LRATD1: variants seen among roughly 807,000 people sequenced by gnomAD.
The protein encoded by LRATD1 is protein LRATD1.
Under a neutral mutation model 21.3 loss-of-function variants are expected in LRATD1, and 8 were observed. The observed-to-expected ratio is 0.38, with a 90% CI of 0.22 to 0.68. The LOEUF is 0.68. Among genes scored for constraint, LRATD1 ranks in the 30% least tolerant of loss-of-function variants. The pLI is 0.54. For synonymous variants in LRATD1, 210 were observed against 186.2 expected (o/e 1.13, Z -1.04); for missense variants, 380 against 404.0 (o/e 0.94, Z 0.51).
At position 14,632,888 on chromosome 2, in the gene LRATD1, AC is replaced by A; in HGVS notation, c.-84del. Reference sequence around the variant, plus strand: ...CGCCGCTTCCTCAGCACCCATGGGGACCAGGAGACTTTAAAGGAGTTTGGGG... The same window carrying A: ...CGCCGCTTCCTCAGCACCCATGGGGACAGGAGACTTTAAAGGAGTTTGGGG... On this transcript the variant is annotated 5_prime_UTR_variant, in exon 1 of 2. It removes the in-frame stop codon of an upstream open reading frame in the 5' UTR. Transcript: ENST00000295092. The A allele has an allele frequency of 6.5e-6, 1 of 153,060 alleles. No homozygotes were observed. The highest frequency in any genetic ancestry group is 1.5e-5 in the Non-Finnish European group (1 of 68,634). 9.5% of individuals were successfully genotyped at this position (153,060 alleles called of 1,614,324 possible). A position where few individuals can be genotyped will look rare whatever the true frequency, so the allele number is the denominator to read the frequency against.
downstream of LRATD1, among the ~76,000 whole-genome samples, chr2:14,644,723 C>T (rs1459244357): frequency 6.6e-6 from 1 of 151,976 alleles, no homozygotes; most frequent in Non-Finnish European, 1.5e-5. Context: ...GACCCAAAGC[C>T]GTGATGACCT....
chr2:14,633,614 G>A lies in LRATD1; in HGVS notation c.-36-330G>A. On this transcript the variant is annotated intron_variant, in intron 1 of 1. Coordinates refer to ENST00000295092, the MANE Select transcript of LRATD1 (RefSeq NM_145175.4). This position sits in a 1 kb window ranked among gnomAD's most constrained non-coding sequence, Gnocchi z 7.5. ...ACCCCTCGGTCCTTCCTGGGTGTCC[G>A]TCTCCCACACTGCCACAGCCAGCAC... 4.1e-6 allele frequency: 1 copy of A among 241,792 alleles called. No homozygotes were observed. Among genetic ancestry groups the A allele is most frequent in the Non-Finnish European group, 8.1e-6 (1 of 124,168 alleles). The allele number at this position is 241,792 out of a possible 1,614,324, so 15.0% of individuals were successfully genotyped here. A position where few individuals can be genotyped will look rare whatever the true frequency, so the allele number is the denominator to read the frequency against.
chr2:14,650,288 G>A (rs1221965135), downstream of LRATD1: 1 of 152,112 alleles, frequency 6.6e-6, no homozygotes, highest in East Asian at 1.9e-4. Context: ...GCTGTTCCCA[G>A]CTCCAGGAAC....
chr2:14,645,434 AT>A (rs1486094349), intron 2 of LRATD1, among the ~76,000 whole-genome samples: 2 of 152,196 alleles, frequency 1.3e-5, no homozygotes, highest in Non-Finnish European at 2.9e-5. Context: ...GACTTTATGC[AT>A]TTATTTTAAT....
downstream of LRATD1, among the ~76,000 whole-genome samples, chr2:14,644,724 G>T (rs1312562192): frequency 6.6e-6 from 1 of 152,070 alleles, no homozygotes; most frequent in Non-Finnish European, 1.5e-5. Context: ...ACCCAAAGCC[G>T]TGATGACCTG....
Position 14,639,252 on chromosome 2 carries a change from A to G in LRATD1, c.*4394A>G, listed in dbSNP as rs185537693. The stretch of plus-strand genomic sequence containing the variant: ...GTCTAAAGCTAACAATAAAAAGAAA[A>G]TGTGGGAGTTGTGCAATTAGTTTTA... On this transcript the variant is annotated 3_prime_UTR_variant, in exon 2 of 2. Transcript: ENST00000295092. 169 of 167,154 alleles carry G rather than the reference A, an allele frequency of 1.0e-3. 2 individuals are homozygous for G. The highest frequency in any genetic ancestry group is 4.0e-3 in the African/African-American group (168 of 41,582). The allele number at this position is 167,154 out of a possible 1,614,324, so 10.4% of individuals were successfully genotyped here. A position where few individuals can be genotyped will look rare whatever the true frequency, so the allele number is the denominator to read the frequency against.
chr2:14,644,986 C>T (rs988525955), downstream of LRATD1, among the ~76,000 whole-genome samples: 1 of 152,130 alleles, frequency 6.6e-6, no homozygotes, highest in African/African-American at 2.4e-5. Flanking sequence ...TATTGGCTCA[C>T]AATCTATATA....
rs1382622241 is a variant in LRATD1, at chr2:14,634,957, C to T, written c.*99C>T. 7.1e-7 allele frequency: 1 copy of T among 1,405,940 alleles called. No individual in the cohort carries two copies. Among genetic ancestry groups the T allele is most frequent in the South Asian group, 1.4e-5 (1 of 71,674 alleles). 87.1% of individuals were successfully genotyped at this position (1,405,940 alleles called of 1,614,324 possible). The stretch of plus-strand genomic sequence containing the variant: ...AGTCAGCGGTTCTCAACCTCTGCCC[C>T]GCCCCGCCACGCGCGTCCGCCGCCG... On this transcript the variant is annotated 3_prime_UTR_variant, in exon 2 of 2. Coordinates refer to ENST00000295092, the MANE Select transcript of LRATD1 (RefSeq NM_145175.4).
At position 14,634,675 on chromosome 2, in the gene LRATD1, G is replaced by A. The variant is rs772554241; in HGVS notation, c.696G>A (p.Val232=). The part of the protein sequence containing the change: ...GKREFKAGGE[V]PAGTQPPQQQ... Reference sequence around the variant, plus strand: ...GGGAGTTCAAGGCGGGAGGGGAGGTGCCGGCAGGCACGCAGCCCCCGCAGC... The same window carrying A: ...GGGAGTTCAAGGCGGGAGGGGAGGTACCGGCAGGCACGCAGCCCCCGCAGC... The change falls in exon 2 of 2, where the codon GTG becomes GTA. Residue 232 remains valine, a synonymous_variant. Transcript: ENST00000295092. 1.9e-6 allele frequency: 3 copies of A among 1,552,296 alleles called. No individual in the cohort carries two copies. The East Asian group carries it at 6.9e-5, about 36-fold the overall frequency.
Position 14,633,265 on chromosome 2 carries a change from G to A in LRATD1, c.-37+328G>A, listed in dbSNP as rs549427890. ...GGTGCTTGGGCGTACGTGCAACGGC[G>A]AGCGTGCAAGCGTGGAGCTGAAATT... On this transcript the variant is annotated intron_variant, in intron 1 of 1. Coordinates refer to ENST00000295092, the MANE Select transcript of LRATD1 (RefSeq NM_145175.4). This position sits in a 1 kb window ranked among gnomAD's most constrained non-coding sequence, Gnocchi z 7.5. Among the ~76,000 whole-genome samples, 5 of 152,270 alleles carry A rather than the reference G, an allele frequency of 3.3e-5. No homozygotes were observed. The highest frequency in any genetic ancestry group is 5.9e-5 in the Non-Finnish European group (4 of 68,022).
At position 14,634,904 on chromosome 2, in the gene LRATD1, C is replaced by T. The variant is rs1312874034; in HGVS notation, c.*46C>T. On this transcript the variant is annotated 3_prime_UTR_variant, in exon 2 of 2. Coordinates refer to ENST00000295092, the MANE Select transcript of LRATD1 (RefSeq NM_145175.4). ...CCTCTGCCTCCCCCGCACCTCGCTC[C>T]CTTCCCTTCCCCGCACCCGGACTTC... 4.5e-6 allele frequency: 7 copies of T among 1,564,250 alleles called. No homozygotes were observed. The South Asian group carries it at 5.8e-5, about 13-fold the overall frequency.
chr2:14,643,946 G>A (rs1368675135), downstream of LRATD1, among the ~76,000 whole-genome samples: 1 of 152,146 alleles, frequency 6.6e-6, no homozygotes, highest in Non-Finnish European at 1.5e-5. Context: ...CTGGTCTATA[G>A]TAGGTCCTCG....
rs1671614037 is a variant in LRATD1 at position 14,634,000 on chromosome 2, C to T, written c.21C>T (p.Arg7=). MGNQLD[R]ITHLNYSELP... ...CATTGATGGGCAACCAACTGGACCG[C>T]ATCACCCACCTCAACTACAGCGAGT... Residue 7 remains arginine (R), a synonymous_variant, in exon 2 of 2, where the codon CGC becomes CGT. Coordinates refer to ENST00000295092, the MANE Select transcript of LRATD1 (RefSeq NM_145175.4). This position sits in a 1 kb window ranked among gnomAD's most constrained non-coding sequence, Gnocchi z 7.5. The T allele has an allele frequency of 3.1e-6, 5 of 1,613,442 alleles. No individual in the cohort carries two copies. The highest frequency in any genetic ancestry group is 1.1e-5 in the South Asian group (1 of 91,058).
chr2:14,639,731 A>G lies in LRATD1; in HGVS notation c.*4873A>G, dbSNP rs1671772447. The G allele has an allele frequency of 6.0e-6, 1 of 167,110 alleles. No individual in the cohort carries two copies. Among genetic ancestry groups the G allele is most frequent in the Admixed American group, 6.5e-5 (1 of 15,278 alleles). 10.4% of individuals were successfully genotyped at this position (167,110 alleles called of 1,614,324 possible). A position where few individuals can be genotyped will look rare whatever the true frequency, so the allele number is the denominator to read the frequency against. On this transcript the variant is annotated 3_prime_UTR_variant, in exon 2 of 2. Coordinates refer to ENST00000295092, the MANE Select transcript of LRATD1 (RefSeq NM_145175.4). ...GATTCCTATGCTGTGGACTTTTATC[A>G]TTCTTTTTGATGGCTGATAGTAGAA... is the stretch of plus-strand genomic sequence containing the variant.
chr2:14,635,971 T>A lies in LRATD1; in HGVS notation c.*1113T>A. On this transcript the variant is annotated 3_prime_UTR_variant, in exon 2 of 2. Transcript: ENST00000295092. ...TTTCCAACTATGTCAACAAAGCCTA[T>A]CGTGTTGATGTTTTTATTGACCATT... is the stretch of plus-strand genomic sequence containing the variant. 3.8e-6 allele frequency: 1 copy of A among 265,934 alleles called. No individual in the cohort carries two copies. Among genetic ancestry groups the A allele is most frequent in the South Asian group, 5.2e-5 (1 of 19,350 alleles). The allele number at this position is 265,934 out of a possible 1,614,324, so 16.5% of individuals were successfully genotyped here.
downstream of LRATD1, among the ~76,000 whole-genome samples, chr2:14,642,720 C>T (rs1671827745): frequency 6.6e-6 from 1 of 152,108 alleles, no homozygotes; most frequent in Admixed American, 6.5e-5. Context: ...AAACAGCCTC[C>T]TTTGATTGAC....
downstream of LRATD1, among the ~76,000 whole-genome samples, chr2:14,642,581 T>G (rs983770999): frequency 1.3e-5 from 2 of 151,194 alleles, no homozygotes; most frequent in Admixed American, 1.3e-4. Context: ...TTGTTTACCT[T>G]TTGGAAAGTA....
chr2:14,647,231 C>T (rs1420795450), intron 4 of LRATD1, among the ~76,000 whole-genome samples: 1 of 152,162 alleles, frequency 6.6e-6, no homozygotes, highest in African/African-American at 2.4e-5. Flanking sequence ...TCTTTTATCA[C>T]TGAGATTGCA....
At chr2:14,646,795 G>A (rs1342820716) in intron 4 of LRATD1, among the ~76,000 whole-genome samples, 1 of 152,138 alleles carries the variant, frequency 6.6e-6, no homozygotes, top group Non-Finnish European at 1.5e-5. Context: ...TAACTTAGCT[G>A]GAAGAGCATT....
Sources: gnomAD v4.1 joint callset for allele counts (sites outside exome capture counted in the v4.1 genomes callset) on GRCh38, gnomAD v4.1.1 for gene constraint, Gnocchi (gnomAD v3.1) non-coding constraint, MANE v1.5 for transcripts, NCBI Gene and HGNC (gene_info 2026-07-23, HGNC 2026-07-21) for gene names.